Variants in PACRG observed in about 807,000 individuals in gnomAD.
PACRG encodes parkin coregulated gene protein.
In PACRG, 29 loss-of-function variants were observed where a neutral mutation model predicts 29.7. That is an observed-to-expected ratio of 0.98 (90% CI 0.73 to 1.33). The LOEUF (loss-of-function observed/expected upper bound fraction) is 1.33, where lower values mean the gene tolerates loss of function less well. Among genes scored for constraint, PACRG ranks in the 40% most tolerant of loss-of-function variants. The pLI is 0.00. For synonymous variants in PACRG, 116 were observed against 118.7 expected (o/e 0.98, Z 0.15); for missense variants, 279 against 316.2 (o/e 0.88, Z 0.89).
intron 2 of PACRG, among the ~76,000 whole-genome samples, chr6:162,947,624 A>ATATATATAATCATATATATG: frequency 2.9e-5 from 1 of 34,246 alleles, no homozygotes; most frequent in South Asian, 1.3e-3. Flanking sequence ...ATATATATAT[A>ATATATATAATCATATATATG]TATATATATA....
intron 2 of PACRG, among the ~76,000 whole-genome samples, chr6:162,877,834 G>T (rs1345048702): frequency 1.3e-5 from 2 of 152,064 alleles, no homozygotes; most frequent in South Asian, 4.1e-4. Context: ...AAGGGATTTT[G>T]CTTTCCATTA....
intron 4 of PACRG, among the ~76,000 whole-genome samples, chr6:163,267,900 C>T (rs1222092171): frequency 3.3e-5 from 5 of 152,104 alleles, no homozygotes; most frequent in African/African-American, 7.2e-5. Flanking sequence ...AGAAATAAAA[C>T]AAAGTAACAC....
At chr6:162,812,828 A>G (rs1170850484) in intron 1 of PACRG, among the ~76,000 whole-genome samples, 1 of 152,118 alleles carries the variant, frequency 6.6e-6, no homozygotes, top group African/African-American at 2.4e-5. Context: ...TTCTAATTCC[A>G]GAACAAATTC....
chr6:162,995,818 A>G (rs1343153552), intron 2 of PACRG, among the ~76,000 whole-genome samples: 1 of 152,220 alleles, frequency 6.6e-6, no homozygotes, highest in Non-Finnish European at 1.5e-5. Context: ...TATACTACAT[A>G]TTCTTTACCC....
intron 2 of PACRG, among the ~76,000 whole-genome samples, chr6:162,992,467 G>A (rs1304265129): frequency 6.7e-6 from 1 of 149,072 alleles, no homozygotes; most frequent in Non-Finnish European, 1.5e-5. Flanking sequence ...GTTTAATCTT[G>A]GGAGAGTGTA....
chr6:162,831,083 C>T (rs1788731621), intron 2 of PACRG, among the ~76,000 whole-genome samples: 2 of 152,136 alleles, frequency 1.3e-5, no homozygotes, highest in South Asian at 4.2e-4. Flanking sequence ...TCTAACATAC[C>T]GTTCATTCTT....
chr6:162,996,142 G>C (rs908428495), intron 2 of PACRG, among the ~76,000 whole-genome samples: 11 of 151,864 alleles, frequency 7.2e-5, no homozygotes, highest in Admixed American at 4.6e-4. Context: ...GTGTGTGCAT[G>C]CACACACACA....
At chr6:163,300,998 C>A (rs4709693) in intron 4 of PACRG, among the ~76,000 whole-genome samples, 3 of 75,022 alleles carry the variant, frequency 4.0e-5, no homozygotes, top group Non-Finnish European at 5.6e-5. Flanking sequence ...GGGCCACGTC[C>A]GCTGCTTCCC....
intron 2 of PACRG, among the ~76,000 whole-genome samples, chr6:162,966,698 G>T (rs575432132): frequency 6.6e-6 from 1 of 152,056 alleles, no homozygotes; most frequent in South Asian, 2.1e-4. Flanking sequence ...GGATGGTCTC[G>T]ATCTCCTGAC....
intron 2 of PACRG, among the ~76,000 whole-genome samples, chr6:162,902,921 T>G (rs994991656): frequency 9.9e-5 from 15 of 152,200 alleles, no homozygotes; most frequent in African/African-American, 3.4e-4. Context: ...GACAAGAAGA[T>G]AATATATTTA....
intron 1 of PACRG, among the ~76,000 whole-genome samples, chr6:162,757,568 C>T (rs927560417): frequency 1.3e-5 from 2 of 152,076 alleles, no homozygotes; most frequent in South Asian, 2.1e-4. Flanking sequence ...ATTAGCCGGG[C>T]GTGTTGGTGC....
chr6:162,988,151 C>G (rs370254586), intron 2 of PACRG, among the ~76,000 whole-genome samples: 1 of 152,322 alleles, frequency 6.6e-6, no homozygotes, highest in South Asian at 2.1e-4. Context: ...GTATGAGTCT[C>G]CACATGCTTT....
intron 1 of PACRG, among the ~76,000 whole-genome samples, chr6:162,769,516 G>A (rs1311147893): frequency 1.3e-5 from 2 of 151,988 alleles, no homozygotes; most frequent in Non-Finnish European, 2.9e-5. Context: ...AACCTACCTT[G>A]ATGGTTTTTG....
chr6:162,886,063 G>T lies in PACRG; in HGVS notation c.291+71782G>T, dbSNP rs538011464. Among the ~76,000 whole-genome samples, 5 of 152,176 alleles carry T rather than the reference G, an allele frequency of 3.3e-5. No individual in the cohort carries two copies. In the East Asian group the frequency reaches 9.7e-4, roughly 29 times the overall value. ...CACACATTACATTTATTTGCCTCCTGAGTAGCTGGGATTATCATGCCCAAC... is the reference window on the plus strand; with the variant it reads ...CACACATTACATTTATTTGCCTCCTTAGTAGCTGGGATTATCATGCCCAAC... On this transcript the variant is annotated intron_variant, in intron 2 of 4. Coordinates refer to ENST00000366888, the MANE Select transcript of PACRG (RefSeq NM_001080379.2).
chr6:163,197,104 C>A (rs1246686308), intron 4 of PACRG, among the ~76,000 whole-genome samples: 3 of 152,082 alleles, frequency 2.0e-5, no homozygotes, highest in Admixed American at 1.3e-4. Context: ...AAAACTTGAA[C>A]CTAAAATTTT....
At chr6:162,740,026 C>T (rs905483360) in intron 1 of PACRG, among the ~76,000 whole-genome samples, 7 of 151,946 alleles carry the variant, frequency 4.6e-5, no homozygotes, top group African/African-American at 1.5e-4. Context: ...ATATGGAGAG[C>T]CACCAAGACA....
At chr6:163,068,622 A>G (rs1480335682) in intron 3 of PACRG, among the ~76,000 whole-genome samples, 1 of 152,030 alleles carries the variant, frequency 6.6e-6, no homozygotes, top group African/African-American at 2.4e-5. Flanking sequence ...AATTCCAGCC[A>G]GTCATCTATA....
At chr6:162,983,439 G>C (rs202245234) in intron 2 of PACRG, among the ~76,000 whole-genome samples, 2 of 151,810 alleles carry the variant, frequency 1.3e-5, no homozygotes, top group East Asian at 3.9e-4. Flanking sequence ...TTCTATTTTG[G>C]GGTATTTCAA....
intron 1 of PACRG, among the ~76,000 whole-genome samples, chr6:162,783,144 A>G (rs1166107037): frequency 2.6e-5 from 4 of 151,962 alleles, no homozygotes; most frequent in African/African-American, 9.6e-5. Context: ...ATAACATGAA[A>G]TGAATATGTA....
Sources: gnomAD v4.1 joint callset for allele counts (sites outside exome capture counted in the v4.1 genomes callset) on GRCh38, gnomAD v4.1.1 for gene constraint, MANE v1.5 for transcripts, NCBI Gene and HGNC (gene_info 2026-07-23, HGNC 2026-07-21) for gene names.